Variants in MTMR12 observed in about 807,000 individuals in gnomAD.
The protein encoded by MTMR12 is myotubularin-related protein 12.
Under a neutral mutation model 96.7 loss-of-function variants are expected in MTMR12, and 33 were observed. That is an observed-to-expected ratio of 0.34 (90% confidence interval 0.26 to 0.46). The LOEUF (loss-of-function observed/expected upper bound fraction) is 0.46. Ranked by LOEUF, MTMR12 falls within the 20% of genes least tolerant of loss-of-function variation. The pLI is 1.00. For synonymous variants in MTMR12, 298 were observed against 327.2 expected (o/e 0.91, Z 0.96); for missense variants, 721 against 896.1 (o/e 0.80, Z 2.49).
chr5:32,294,363 C>T (rs1750846764), intron 1 of MTMR12, among the ~76,000 whole-genome samples: 2 of 151,974 alleles, frequency 1.3e-5, no homozygotes, highest in Admixed American at 6.6e-5. Context: ...AGTTCAGTGG[C>T]ACAATCTTGG....
In MTMR12 at chr5:32,242,112, T is replaced by A. The variant is rs1300318426; in HGVS notation, c.1116A>T (p.Lys372Asn). Residue 372 changes from lysine to asparagine, a missense_variant, in exon 12 of 16, where the codon AAA becomes AAT. By Grantham distance (94) the Lys-to-Asn change is moderately conservative (BLOSUM62 0). Coordinates refer to ENST00000382142, the MANE Select transcript of MTMR12 (RefSeq NM_001040446.3). ...CCATACATTCTGTAATCTCTATTGC[T>A]TTTTTCAGGCAACGTCTGAATAGGA... is the stretch of plus-strand genomic sequence containing the variant. ...WLDIIRRCLK[K>N]AIEITECMEA... The A allele has an allele frequency of 4.3e-6, 7 of 1,611,846 alleles. No homozygotes were observed. The highest frequency in any genetic ancestry group is 5.9e-6 in the Non-Finnish European group (7 of 1,178,558).
Position 32,233,998 on chromosome 5 carries a change from TCTG to T in MTMR12, c.1513-67_1513-65del, listed in dbSNP as rs150442906. On this transcript the variant is annotated intron_variant, in intron 14 of 15. Coordinates refer to ENST00000382142, the MANE Select transcript of MTMR12 (RefSeq NM_001040446.3). This position sits in a 1 kb window ranked among gnomAD's most constrained non-coding sequence, Gnocchi z 5.0. ...GGGCTGAGGAAGGCAAACACATACT[TCTG>T]GACACAGGCACCAGGAAGCATGCTC... 0.021 allele frequency: 33,598 copies of T among 1,587,272 alleles called. 388 individuals are homozygous for T. Among genetic ancestry groups the T allele is most frequent in the Non-Finnish European group, 0.025 (29,360 of 1,159,406 alleles).
intron 1 of MTMR12, among the ~76,000 whole-genome samples, chr5:32,302,722 T>TAA (rs754140107): frequency 2.7e-4 from 25 of 93,442 alleles, no homozygotes; most frequent in African/African-American, 5.2e-4. Flanking sequence ...AGACTCCGTA[T>TAA]AAAAAAAAAA....
chr5:32,259,104 C>T (rs865778777), intron 7 of MTMR12, among the ~76,000 whole-genome samples: 1 of 152,154 alleles, frequency 6.6e-6, no homozygotes, highest in African/African-American at 2.4e-5. Flanking sequence ...AGCAATCAAT[C>T]CTCCCTCCTT....
At chr5:32,239,946 ATCTTTATCCGTGCATTTG>A (rs1377058371) in intron 12 of MTMR12, among the ~76,000 whole-genome samples, 1 of 152,186 alleles carries the variant, frequency 6.6e-6, no homozygotes, top group African/African-American at 2.4e-5. Context: ...AGAACCACAT[ATCTTTATCCGTGCATTTG>A]TCTTAAGAGT....
intron 8 of MTMR12, among the ~76,000 whole-genome samples, chr5:32,252,431 T>C (rs1748969451): frequency 6.6e-6 from 1 of 152,360 alleles, no homozygotes; most frequent in Non-Finnish European, 1.5e-5. Context: ...CCCCAAACTA[T>C]CTCTTCAATC....
At chr5:32,251,036 A>T (rs1748898436) in intron 8 of MTMR12, among the ~76,000 whole-genome samples, 1 of 151,100 alleles carries the variant, frequency 6.6e-6, no homozygotes, top group African/African-American at 2.4e-5. Context: ...ATTATTCGGT[A>T]CATTTTAAGG....
intron 7 of MTMR12, among the ~76,000 whole-genome samples, chr5:32,259,460 G>A (rs1160771036): frequency 1.3e-5 from 2 of 152,198 alleles, no homozygotes; most frequent in Non-Finnish European, 2.9e-5. Context: ...CCAAACTGAC[G>A]CAGGTCCCCC....
chr5:32,257,771 AAAAC>A (rs368998862), intron 7 of MTMR12, among the ~76,000 whole-genome samples: 7,405 of 151,722 alleles, frequency 0.049, 490 homozygotes, highest in African/African-American at 0.15. Flanking sequence ...CTGTCTCAAA[AAAAC>A]AAACAAACAA....
At chr5:32,232,857 AC>A in intron 15 of MTMR12, 2 of 716,132 alleles carry the variant, frequency 2.8e-6, no homozygotes, top group Non-Finnish European at 3.4e-6. Context: ...TTAGAATGGA[AC>A]CAACTCTGAC....
intron 1 of MTMR12, among the ~76,000 whole-genome samples, chr5:32,286,937 A>T (rs747679389): frequency 1.5e-4 from 23 of 152,126 alleles, no homozygotes; most frequent in Non-Finnish European, 3.2e-4. Flanking sequence ...CAAACACAGG[A>T]ATGAACACAA....
At chr5:32,272,125 A>C (rs574395438) in intron 3 of MTMR12, among the ~76,000 whole-genome samples, 4 of 151,924 alleles carry the variant, frequency 2.6e-5, no homozygotes, top group Non-Finnish European at 5.9e-5. Flanking sequence ...CCCCATCTCT[A>C]CTAAAAATAC....
chr5:32,268,037 T>C (rs1749671514), intron 6 of MTMR12, among the ~76,000 whole-genome samples: 1 of 152,052 alleles, frequency 6.6e-6, no homozygotes, highest in Admixed American at 6.6e-5. Context: ...TTTCACCAGG[T>C]TGCCAGGATG....
chr5:32,268,856 A>G, intron 5 of MTMR12, 62 bp from the exon 6 acceptor site: 2 of 1,382,708 alleles, frequency 1.4e-6, no homozygotes, highest in East Asian at 2.3e-5. Flanking sequence ...TAACAAAGAC[A>G]AGAGTCAAGG....
chr5:32,289,541 T>A (rs1224546272), intron 1 of MTMR12, among the ~76,000 whole-genome samples: 1 of 152,196 alleles, frequency 6.6e-6, no homozygotes, highest in Non-Finnish European at 1.5e-5. Flanking sequence ...ACATTTGGAC[T>A]AATGGACACT....
intron 1 of MTMR12, among the ~76,000 whole-genome samples, chr5:32,311,909 C>T (rs1278470178): frequency 6.6e-6 from 1 of 152,116 alleles, no homozygotes; most frequent in African/African-American, 2.4e-5. Flanking sequence ...TCTTTTCTTT[C>T]CCATGATATT....
At chr5:32,279,767 T>A (rs965307614) in intron 1 of MTMR12, among the ~76,000 whole-genome samples, 24 of 152,190 alleles carry the variant, frequency 1.6e-4, no homozygotes, top group African/African-American at 5.3e-4. Context: ...CTACCTCAGG[T>A]CATTAGACAT....
chr5:32,238,007 G>A (rs986240052), intron 13 of MTMR12, among the ~76,000 whole-genome samples: 4 of 151,754 alleles, frequency 2.6e-5, no homozygotes, highest in Non-Finnish European at 2.9e-5. Flanking sequence ...CGCCAGGCAT[G>A]GTAGCGCACA....
chr5:32,305,816 T>C (rs967232207), intron 1 of MTMR12, among the ~76,000 whole-genome samples: 1 of 151,764 alleles, frequency 6.6e-6, no homozygotes, highest in African/African-American at 2.4e-5. Context: ...GGCAGGAGAA[T>C]TGCTTGAACC....
Sources: allele counts gnomAD v4.1 joint callset (sites outside exome capture counted in the v4.1 genomes callset), GRCh38; gene constraint gnomAD v4.1.1; non-coding constraint Gnocchi (gnomAD v3.1); transcripts MANE v1.5; gene names NCBI Gene and HGNC (gene_info 2026-07-23, HGNC 2026-07-21).